The following SV2C variants were observed in gnomAD, a reference collection of about 807,000 sequenced individuals.
SV2C encodes synaptic vesicle glycoprotein 2C.
In SV2C, 49 loss-of-function variants were observed where a neutral mutation model predicts 79.7. That is an observed-to-expected ratio of 0.61 (90% confidence interval 0.49 to 0.78). SV2C has a LOEUF of 0.78. Ranked by LOEUF, SV2C falls within the 30% of genes least tolerant of loss-of-function variation. The pLI is 0.00. For synonymous variants in SV2C, 334 were observed against 333.2 expected (o/e 1.00, Z -0.03); for missense variants, 833 against 912.9 (o/e 0.91, Z 1.13).
chr5:76,142,758 G>A (rs1749297979), intron 2 of SV2C, among the ~76,000 whole-genome samples: 4 of 152,048 alleles, frequency 2.6e-5, no homozygotes, highest in Non-Finnish European at 5.9e-5. Flanking sequence ...ATTAACATAA[G>A]TAATACTGAA....
At chr5:75,853,321 C>T in the SV2C span, among the ~76,000 whole-genome samples, 5 of 151,972 alleles carry the variant, frequency 3.3e-5, no homozygotes, top group African/African-American at 9.7e-5. Context: ...CTTTGGGAGG[C>T]GGAGGCGGGC....
intron 3 of SV2C, among the ~76,000 whole-genome samples, chr5:76,206,616 C>G (rs1357865823): frequency 6.6e-6 from 1 of 152,176 alleles, no homozygotes; most frequent in Non-Finnish European, 1.5e-5. Context: ...ACTTGGTATG[C>G]CAACTACAAC....
At chr5:76,075,631 G>T in the SV2C span, 1 of 242,188 alleles carries the variant, frequency 4.1e-6, no homozygotes, top group South Asian at 5.9e-5. Context: ...GTGGTCCAGT[G>T]AGTGGCAGAT....
At chr5:76,283,823 G>A (rs1747266570) in intron 4 of SV2C, among the ~76,000 whole-genome samples, 1 of 152,314 alleles carries the variant, frequency 6.6e-6, no homozygotes, top group South Asian at 2.1e-4. Context: ...ATGAGGCTGT[G>A]TGTGGCTGTA....
intron 1 of SV2C, among the ~76,000 whole-genome samples, chr5:76,094,289 A>G (rs1484415194): frequency 6.6e-6 from 1 of 152,152 alleles, no homozygotes; most frequent in African/African-American, 2.4e-5. Flanking sequence ...GCATATCTCC[A>G]TTACCTTAGA....
At chr5:76,022,576 A>G in the SV2C span, among the ~76,000 whole-genome samples, 54 of 152,248 alleles carry the variant, frequency 3.5e-4, no homozygotes, top group South Asian at 4.1e-3. Flanking sequence ...AACACCCACA[A>G]TGGCTGACCT....
At chr5:76,270,240 T>C (rs1467228769) in intron 4 of SV2C, among the ~76,000 whole-genome samples, 1 of 152,246 alleles carries the variant, frequency 6.6e-6, no homozygotes, top group Non-Finnish European at 1.5e-5. Context: ...AGAGCCTCCT[T>C]TGAGTTACAT....
intron 12 of SV2C, chr5:76,311,271 G>C (rs895627599): frequency 1.3e-5 from 2 of 152,364 alleles, no homozygotes; most frequent in African/African-American, 4.8e-5. Flanking sequence ...CAGCTTCCCA[G>C]TGCTGTGGTA....
the SV2C span, among the ~76,000 whole-genome samples, chr5:75,944,284 C>A: frequency 6.6e-6 from 1 of 152,178 alleles, no homozygotes; most frequent in Non-Finnish European, 1.5e-5. Context: ...ATGAATGTAG[C>A]ATAACTTACC....
chr5:76,237,800 T>G (rs1745655630), intron 4 of SV2C, among the ~76,000 whole-genome samples: 1 of 152,172 alleles, frequency 6.6e-6, no homozygotes, highest in Non-Finnish European at 1.5e-5. Flanking sequence ...GATGCCTTTA[T>G]GATTCCCTTG....
chr5:76,179,168 A>G (rs1425774837), intron 2 of SV2C, among the ~76,000 whole-genome samples: 2 of 152,222 alleles, frequency 1.3e-5, no homozygotes, highest in African/African-American at 4.8e-5. Context: ...TGTCTTCACT[A>G]TGAATGTGCA....
At chr5:75,972,247 A>G in the SV2C span, among the ~76,000 whole-genome samples, 1 of 152,130 alleles carries the variant, frequency 6.6e-6, no homozygotes, top group African/African-American at 2.4e-5. Flanking sequence ...AGGCAATACC[A>G]TTCAGGACAT....
the SV2C span, among the ~76,000 whole-genome samples, chr5:76,075,037 A>G: frequency 1.3e-5 from 2 of 152,174 alleles, no homozygotes; most frequent in Non-Finnish European, 2.9e-5. Context: ...TAAAAAATAA[A>G]AAAGAGGAAA....
At chr5:76,049,029 G>A in the SV2C span, among the ~76,000 whole-genome samples, 2 of 37,326 alleles carry the variant, frequency 5.4e-5, 1 homozygote, top group Non-Finnish European at 1.2e-4. Flanking sequence ...GAAAGAAAAA[G>A]AAAAGAGGGA....
At chr5:75,936,851 G>T in the SV2C span, among the ~76,000 whole-genome samples, 1 of 152,208 alleles carries the variant, frequency 6.6e-6, no homozygotes, top group Admixed American at 6.5e-5. Context: ...GTTGAGCAGT[G>T]TGTCAAATGT....
the SV2C span, among the ~76,000 whole-genome samples, chr5:75,942,985 C>G: frequency 7.9e-5 from 12 of 152,110 alleles, no homozygotes; most frequent in Non-Finnish European, 1.8e-4. Context: ...GCAACATAGT[C>G]AGACCCTATC....
intron 4 of SV2C, among the ~76,000 whole-genome samples, chr5:76,274,670 T>C (rs959478076): frequency 9.1e-5 from 13 of 143,198 alleles, no homozygotes; most frequent in Admixed American, 1.5e-4. Context: ...GCCTTTTTTT[T>C]CCTTTTTCTC....
chr5:75,990,929 A>G, the SV2C span, among the ~76,000 whole-genome samples: 1 of 152,018 alleles, frequency 6.6e-6, no homozygotes, highest in African/African-American at 2.4e-5. Flanking sequence ...GATTTCTCCC[A>G]TGAAGACTGC....
At chr5:76,004,724 T>A in the SV2C span, among the ~76,000 whole-genome samples, 1 of 152,146 alleles carries the variant, frequency 6.6e-6, no homozygotes, top group South Asian at 2.1e-4. Context: ...TTATGTGATC[T>A]CTTGTTACCT....
Sources: allele counts gnomAD v4.1 joint callset (sites outside exome capture counted in the v4.1 genomes callset), GRCh38; gene constraint gnomAD v4.1.1; transcripts MANE v1.5; gene names NCBI Gene and HGNC (gene_info 2026-07-23, HGNC 2026-07-21).